The following ZNF66 variants were observed in gnomAD, a reference collection of about 807,000 sequenced individuals.
The protein encoded by ZNF66 is putative zinc finger protein 66.
A neutral mutation model predicts 35.2 loss-of-function variants in ZNF66; 32 were observed. That is an observed-to-expected ratio of 0.91 (90% CI 0.69 to 1.22). The LOEUF is 1.22. Among genes scored for constraint, ZNF66 ranks in the 50% most tolerant of loss-of-function variants. The pLI, the probability that ZNF66 is intolerant of heterozygous loss-of-function variation, is 0.00. For synonymous variants in ZNF66, 231 were observed against 181.3 expected (o/e 1.27, Z -2.20); for missense variants, 666 against 543.1 (o/e 1.23, Z -2.25).
chr19:20,778,165 A>G (rs1971213044), intron 1 of ZNF66, among the ~76,000 whole-genome samples: 1 of 152,070 alleles, frequency 6.6e-6, no homozygotes, highest in Admixed American at 6.6e-5. Flanking sequence ...CAGTGGCGTG[A>G]TCTCGGCTCA....
Position 20,784,696 on chromosome 19 carries a change from T to C in ZNF66, c.4-7816T>C, listed in dbSNP as rs146981473. The stretch of plus-strand genomic sequence containing the variant: ...CAGCAGAGATGGAAAAGAAACTTTA[T>C]AAAATTATTCTTTCTGAAAATCTGC... On this transcript the variant is annotated intron_variant, in intron 1 of 3. Coordinates refer to ENST00000344519, the MANE Select transcript of ZNF66 (RefSeq NM_001355197.2). 85 of 152,350 alleles carry C rather than the reference T, an allele frequency of 5.6e-4. 1 individual carries two copies. In the East Asian group the frequency reaches 0.011, roughly 19 times the overall value. The allele number at this position is 152,350 out of a possible 1,614,324, so 9.4% of individuals were successfully genotyped here.
Position 20,809,227 on chromosome 19 carries a change from G to T in ZNF66, c.*1905G>T, listed in dbSNP as rs1971562010. On this transcript the variant is annotated 3_prime_UTR_variant, in exon 4 of 4. Transcript: ENST00000344519. ...GATTGGTGTACCTGAAAGTGAGGGG[G>T]AGAATGGAACCAACTTGGAAAACAC... Among the ~76,000 whole-genome samples the T allele has an allele frequency of 1.3e-5, 2 of 152,178 alleles. No individual in the cohort carries two copies. Among genetic ancestry groups the T allele is most frequent in the Non-Finnish European group, 2.9e-5 (2 of 68,046 alleles).
chr19:20,794,174 C>A, intron 3 of ZNF66: 1 of 409,266 alleles, frequency 2.4e-6, no homozygotes, highest in South Asian at 2.7e-5. Context: ...CAGCACAATC[C>A]AGCTGCTTTT....
intron 3 of ZNF66, among the ~76,000 whole-genome samples, chr19:20,801,396 T>C (rs1177331696): frequency 2.1e-5 from 3 of 146,128 alleles, no homozygotes; most frequent in Non-Finnish European, 4.6e-5. Context: ...CAGGCTGGAG[T>C]GCAATGGTGC....
chr19:20,785,926 T>C (rs1413569024), intron 1 of ZNF66, among the ~76,000 whole-genome samples: 3 of 152,048 alleles, frequency 2.0e-5, no homozygotes, highest in Admixed American at 2.0e-4. Flanking sequence ...TGTGCTGGGC[T>C]CATTTTCATG....
chr19:20,795,348 G>A (rs1479249193), intron 3 of ZNF66, among the ~76,000 whole-genome samples: 1 of 151,168 alleles, frequency 6.6e-6, no homozygotes, highest in Non-Finnish European at 1.5e-5. Flanking sequence ...TTAGGGAACT[G>A]TGTGGGTTTC....
At chr19:20,805,765 T>A in intron 3 of ZNF66, 62 bp from the exon 4 acceptor site, 1 of 475,194 alleles carries the variant, frequency 2.1e-6, no homozygotes. Flanking sequence ...TAGGTTAGAT[T>A]TGTAAAGTAT....
In ZNF66 at chr19:20,808,127, T is replaced by C. The variant is rs1225108928; in HGVS notation, c.*805T>C. 6.6e-6 allele frequency among the ~76,000 whole-genome samples: 1 copy of C among 152,044 alleles called. No individual in the cohort carries two copies. Among genetic ancestry groups the C allele is most frequent in the Non-Finnish European group, 1.5e-5 (1 of 68,004 alleles). ...TGATTGCTAGCACAGCAGTCTGAGA[T>C]CAAACTGCAAGGCAGCAGCGAGGCT... On this transcript the variant is annotated 3_prime_UTR_variant, in exon 4 of 4. Transcript: ENST00000344519.
intron 3 of ZNF66, chr19:20,794,233 A>C (rs1162656461): frequency 4.2e-6 from 1 of 236,992 alleles, no homozygotes; most frequent in Non-Finnish European, 8.3e-6. Flanking sequence ...GAGAAACTGA[A>C]ACTATTTTTT....
Position 20,776,548 on chromosome 19 carries a change from C to T in ZNF66, c.3+98C>T, listed in dbSNP as rs1479432769. ...CTCCACAATCTGCACCCCGAATTCT[C>T]CTTACCCAGCTCTGCCTCAGTCCCA... On this transcript the variant is annotated intron_variant, in intron 1 of 3. Transcript: ENST00000344519. The T allele has an allele frequency of 3.6e-5, 51 of 1,405,028 alleles. No individual in the cohort carries two copies. The East Asian group carries it at 9.2e-4, about 25-fold the overall frequency. The allele number at this position is 1,405,028 out of a possible 1,614,324, so 87.0% of individuals were successfully genotyped here.
intron 1 of ZNF66, among the ~76,000 whole-genome samples, chr19:20,787,366 G>C (rs1280600145): frequency 6.6e-6 from 1 of 152,120 alleles, no homozygotes; most frequent in Non-Finnish European, 1.5e-5. Flanking sequence ...TGCTAGAGCA[G>C]CCTTCATGAG....
In ZNF66 at chr19:20,809,294, G is replaced by C. The variant is rs1455080290; in HGVS notation, c.*1972G>C. On this transcript the variant is annotated 3_prime_UTR_variant, in exon 4 of 4. Coordinates refer to ENST00000344519, the MANE Select transcript of ZNF66 (RefSeq NM_001355197.2). ...CAGGAGAACTTCCCCAATCTAGCAAGGCAGGCCAACATTCAGATTCAGGAA... is the reference window on the plus strand; with the variant it reads ...CAGGAGAACTTCCCCAATCTAGCAACGCAGGCCAACATTCAGATTCAGGAA... Among the ~76,000 whole-genome samples the C allele has an allele frequency of 6.6e-6, 1 of 152,042 alleles. No homozygotes were observed. The highest frequency in any genetic ancestry group is 2.4e-5 in the African/African-American group (1 of 41,408).
chr19:20,781,727 C>A (rs1162347097), intron 1 of ZNF66, among the ~76,000 whole-genome samples: 1 of 152,010 alleles, frequency 6.6e-6, no homozygotes, highest in African/African-American at 2.4e-5. Context: ...AGGCTGGTCT[C>A]CAACTCCTAA....
Position 20,808,202 on chromosome 19 carries a change from G to T in ZNF66, c.*880G>T, listed in dbSNP as rs1006910432. Reference sequence around the variant, plus strand: ...CAGGCTTGCTTAGGTAAAGCAGCTGGGAAGCTAGAACTGGGTGGAGCCCAC... The same window carrying T: ...CAGGCTTGCTTAGGTAAAGCAGCTGTGAAGCTAGAACTGGGTGGAGCCCAC... On this transcript the variant is annotated 3_prime_UTR_variant, in exon 4 of 4. Transcript: ENST00000344519. Among the ~76,000 whole-genome samples the T allele has an allele frequency of 1.3e-5, 2 of 152,220 alleles. No homozygotes were observed. Among genetic ancestry groups the T allele is most frequent in the Non-Finnish European group, 2.9e-5 (2 of 68,050 alleles).
rs1383125759 is a variant in ZNF66 at position 20,807,116 on chromosome 19, G to A, written c.1516G>A (p.Asp506Asn). 1 of 795,748 alleles carries A rather than the reference G, an allele frequency of 1.3e-6. No individual in the cohort carries two copies. The highest frequency in any genetic ancestry group is 1.8e-5 in the Admixed American group (1 of 54,924). The allele number at this position is 795,748 out of a possible 1,614,324, so 49.3% of individuals were successfully genotyped here. The change falls in exon 4 of 4, where the codon GAT becomes AAT. Residue 506 changes from aspartate (D) to asparagine (N), a missense_variant. Asp to Asn is a conservative substitution (Grantham distance 23). Coordinates refer to ENST00000344519, the MANE Select transcript of ZNF66 (RefSeq NM_001355197.2). ...TACACATAAGAGAATTCATACTGCA[G>A]ATAAACCCTACAAATGTGAAGAATG... is the stretch of plus-strand genomic sequence containing the variant. ...LTTHKRIHTA[D>N]KPYKCEECGK...
At position 20,793,787 on chromosome 19, in the gene ZNF66, T is replaced by A. The variant is rs1262575014; in HGVS notation, c.135T>A (p.Ile45=). Residue 45 remains isoleucine (I), a synonymous_variant, in exon 3 of 4, where the codon ATT becomes ATA. Coordinates refer to ENST00000344519, the MANE Select transcript of ZNF66 (RefSeq NM_001355197.2). ...ENYRNLVFLG[I]VVSKPDLITH... is the part of the protein sequence containing the mutation. ...TATTTATTTTTGATAAAACAGGTAT[T>A]GTTGTCTCAAAGCCAGACCTCATCA... 1.0e-6 allele frequency: 1 copy of A among 996,946 alleles called. No homozygotes were observed. Among genetic ancestry groups the A allele is most frequent in the East Asian group, 2.7e-5 (1 of 36,368 alleles). 61.8% of individuals were successfully genotyped at this position (996,946 alleles called of 1,614,324 possible).
At chr19:20,790,302 A>C (rs1216616267) in intron 1 of ZNF66, among the ~76,000 whole-genome samples, 2 of 152,206 alleles carry the variant, frequency 1.3e-5, no homozygotes, top group African/African-American at 4.8e-5. Context: ...ACGTTGTTTT[A>C]ATGAAGGGCC....
At chr19:20,787,259 G>C (rs1971294945) in intron 1 of ZNF66, among the ~76,000 whole-genome samples, 1 of 152,070 alleles carries the variant, frequency 6.6e-6, no homozygotes, top group African/African-American at 2.4e-5. Context: ...TTTGCTCCCA[G>C]GTTATGATCC....
rs1279869782 is a variant in ZNF66, at chr19:20,809,074, A to G, written c.*1752A>G. 1.3e-5 allele frequency among the ~76,000 whole-genome samples: 2 copies of G among 152,214 alleles called. No homozygotes were observed. Among genetic ancestry groups the G allele is most frequent in the African/African-American group, 4.8e-5 (2 of 41,460 alleles). ...GGAGCCAATGCGATCAACTGGAAGA[A>G]AGGGTATCAGTGATGGAAGATGAAA... On this transcript the variant is annotated 3_prime_UTR_variant, in exon 4 of 4. Coordinates refer to ENST00000344519, the MANE Select transcript of ZNF66 (RefSeq NM_001355197.2).
Sources: gnomAD v4.1 joint callset for allele counts (sites outside exome capture counted in the v4.1 genomes callset) on GRCh38, gnomAD v4.1.1 for gene constraint, MANE v1.5 for transcripts, NCBI Gene and HGNC (gene_info 2026-07-23, HGNC 2026-07-21) for gene names.